The following SHROOM2 variants were observed in gnomAD, a reference collection of about 807,000 sequenced individuals.
The protein encoded by SHROOM2 is protein Shroom2.
A neutral mutation model predicts 75.9 loss-of-function variants in SHROOM2; 33 were observed. The ratio of observed to expected loss-of-function variants is 0.43; its 90% CI spans 0.33 to 0.58. The LOEUF (loss-of-function observed/expected upper bound fraction) is 0.58, where lower values mean the gene tolerates loss of function less well. SHROOM2 is among the 20% of genes least tolerant of loss of function. The pLI is 0.04. For synonymous variants in SHROOM2, 655 were observed against 663.6 expected (o/e 0.99, Z 0.20); for missense variants, 1,434 against 1,461.2 (o/e 0.98, Z 0.30).
intron 1 of SHROOM2, among the ~76,000 whole-genome samples, chrX:9,820,373 C>T (rs1017666323): frequency 4.6e-5 from 5 of 108,602 alleles, no homozygotes; most frequent in African/African-American, 1.0e-4. Context: ...ATTCCTCCCC[C>T]ACCCTTTTTT....
intron 3 of SHROOM2, among the ~76,000 whole-genome samples, chrX:9,891,660 A>G (rs1008950318): frequency 9.2e-6 from 1 of 109,009 alleles, no homozygotes; most frequent in Non-Finnish European, 1.9e-5. Context: ...GTATCTGTGT[A>G]TGTTTACGGG....
At chrX:9,923,807 G>A (rs767497966) in intron 5 of SHROOM2, among the ~76,000 whole-genome samples, 1 of 112,218 alleles carries the variant, frequency 8.9e-6, no homozygotes, top group African/African-American at 3.2e-5. Context: ...TTAACCCCTC[G>A]AGAAATCAGT....
chrX:9,820,131 CA>C (rs1167379167), intron 1 of SHROOM2, among the ~76,000 whole-genome samples: 1 of 94,864 alleles, frequency 1.1e-5, no homozygotes, highest in African/African-American at 4.0e-5. Context: ...TTTTTTTTTT[CA>C]GATTATGTTT....
At chrX:9,830,494 C>T (rs947835821) in intron 1 of SHROOM2, among the ~76,000 whole-genome samples, 1 of 108,739 alleles carries the variant, frequency 9.2e-6, no homozygotes, top group African/African-American at 3.3e-5. Context: ...TCTTATCCTT[C>T]ACCCAAAGAT....
chrX:9,944,034 T>C (rs1361081505), intron 8 of SHROOM2, among the ~76,000 whole-genome samples: 1 of 110,605 alleles, frequency 9.0e-6, no homozygotes, highest in Non-Finnish European at 1.9e-5. Flanking sequence ...ATACAAAAAT[T>C]AGCCAAGTGT....
intron 1 of SHROOM2, among the ~76,000 whole-genome samples, chrX:9,850,326 A>ATTGG (rs747881425): frequency 8.9e-6 from 1 of 111,835 alleles, no homozygotes; most frequent in Admixed American, 9.4e-5. Flanking sequence ...TTATTGATTA[A>ATTGG]TTGGTTGGTT....
rs764721508 is a variant in SHROOM2, at chrX:9,910,835, T to G, written c.2891+12545T>G. 3.7e-5 allele frequency among the ~76,000 whole-genome samples: 4 copies of G among 107,902 alleles called. 1 individual carries two copies. The East Asian group carries it at 1.2e-3, about 32-fold the overall frequency. 93.7% of individuals were successfully genotyped at this position (107,902 alleles called of 115,157 possible). On this transcript the variant is annotated intron_variant, in intron 5 of 9. Transcript: ENST00000380913. ...CCATCTCAAAAAAAAAAAAGTATAATGAAATATTTATTTTTTACAAATTTT... is the reference window on the plus strand; with the variant it reads ...CCATCTCAAAAAAAAAAAAGTATAAGGAAATATTTATTTTTTACAAATTTT...
intron 5 of SHROOM2, among the ~76,000 whole-genome samples, chrX:9,929,898 C>T (rs1406232860): frequency 1.8e-5 from 2 of 111,131 alleles, no homozygotes; most frequent in African/African-American, 3.3e-5. Context: ...TCTCACAAGA[C>T]CTGATGGGTT....
chrX:9,856,243 G>T (rs186920725), intron 1 of SHROOM2, among the ~76,000 whole-genome samples: 1 of 110,403 alleles, frequency 9.1e-6, no homozygotes, highest in Non-Finnish European at 1.9e-5. Context: ...CAAGAGTTCA[G>T]CATGGAGAAA....
chrX:9,860,214 G>C (rs983239255), intron 1 of SHROOM2, among the ~76,000 whole-genome samples: 1 of 111,887 alleles, frequency 8.9e-6, no homozygotes, highest in Non-Finnish European at 1.9e-5. Context: ...TCACGGCAAA[G>C]AATGATCCGG....
chrX:9,796,284 A>G (rs2083694798), intron 1 of SHROOM2, among the ~76,000 whole-genome samples: 1 of 109,228 alleles, frequency 9.2e-6, no homozygotes, highest in Non-Finnish European at 1.9e-5. Context: ...TTAGCCAGGC[A>G]AGGTGGTATG....
At position 9,947,025 on chromosome X, in the gene SHROOM2, C is replaced by T; in HGVS notation, c.*88C>T. ...TACTCGTGAAGACCCCATCTGTGTT[C>T]ATGGCCTGGAAAGAGACTTCTCCCA... On this transcript the variant is annotated 3_prime_UTR_variant, in exon 10 of 10. Coordinates refer to ENST00000380913, the MANE Select transcript of SHROOM2 (RefSeq NM_001649.4). 1 of 941,311 alleles carries T rather than the reference C, an allele frequency of 1.1e-6. No homozygotes were observed. Among genetic ancestry groups the T allele is most frequent in the East Asian group, 3.4e-5 (1 of 29,573 alleles). 77.6% of individuals were successfully genotyped at this position (941,311 alleles called of 1,213,427 possible).
At chrX:9,797,382 G>C (rs372110332) in intron 1 of SHROOM2, among the ~76,000 whole-genome samples, 5 of 112,573 alleles carry the variant, frequency 4.4e-5, no homozygotes, top group African/African-American at 1.6e-4. Flanking sequence ...TGCTGTGTTT[G>C]GGCCATTCAT....
At position 9,948,833 on chromosome X, in the gene SHROOM2, A is replaced by G. The variant is rs17321218; in HGVS notation, c.*1896A>G. The G allele has an allele frequency of 0.071, 8,091 of 113,737 alleles. 233 individuals are homozygous for G. The highest frequency in any genetic ancestry group is 0.13 in the Middle Eastern group (28 of 217). 9.4% of individuals were successfully genotyped at this position (113,737 alleles called of 1,213,427 possible). A position where few individuals can be genotyped will look rare whatever the true frequency, so the allele number is the denominator to read the frequency against. On this transcript the variant is annotated 3_prime_UTR_variant, in exon 10 of 10. Transcript: ENST00000380913. ...ACTTGCGTGAATGCTGGTCAGTCTGAAAAGGTGAAGCTGGCTGTGCACTTA... is the reference window on the plus strand; with the variant it reads ...ACTTGCGTGAATGCTGGTCAGTCTGGAAAGGTGAAGCTGGCTGTGCACTTA...
At chrX:9,938,579 G>A (rs2084738490) in intron 7 of SHROOM2, among the ~76,000 whole-genome samples, 1 of 111,970 alleles carries the variant, frequency 8.9e-6, no homozygotes, top group South Asian at 3.7e-4. Context: ...AAAAAATTAC[G>A]ACAATTTACA....
intron 1 of SHROOM2, among the ~76,000 whole-genome samples, chrX:9,834,770 G>A (rs1202454299): frequency 1.8e-5 from 2 of 111,922 alleles, no homozygotes; most frequent in Non-Finnish European, 3.8e-5. Flanking sequence ...GATCTCCCAG[G>A]GTCAAGAGAT....
At chrX:9,884,817 C>T (rs1261726637) in intron 2 of SHROOM2, among the ~76,000 whole-genome samples, 1 of 111,575 alleles carries the variant, frequency 9.0e-6, no homozygotes, top group Non-Finnish European at 1.9e-5. Flanking sequence ...TGAATCATTC[C>T]ATCTGGAGTA....
At chrX:9,902,694 G>A (rs1169799550) in intron 5 of SHROOM2, among the ~76,000 whole-genome samples, 4 of 112,145 alleles carry the variant, frequency 3.6e-5, no homozygotes, top group Non-Finnish European at 5.6e-5. Context: ...AAGTTTAGAG[G>A]TACCACATTT....
chrX:9,893,951 C>CA (rs560179883), intron 3 of SHROOM2, among the ~76,000 whole-genome samples: 22,838 of 78,344 alleles, frequency 0.29, 3,610 homozygotes, highest in African/African-American at 0.54. Context: ...GAGACTGTCT[C>CA]AAAAAAAAAA....
Sources: gnomAD v4.1 joint callset for allele counts (sites outside exome capture counted in the v4.1 genomes callset) on GRCh38, gnomAD v4.1.1 for gene constraint, MANE v1.5 for transcripts, NCBI Gene and HGNC (gene_info 2026-07-23, HGNC 2026-07-21) for gene names.